The following EVA1C variants were observed in gnomAD, a reference collection of about 807,000 sequenced individuals.
EVA1C encodes eva-1 homolog C.
Under a neutral mutation model 45.4 loss-of-function variants are expected in EVA1C, and 25 were observed. The ratio of observed to expected loss-of-function variants is 0.55; its 90% CI spans 0.40 to 0.77. The LOEUF (loss-of-function observed/expected upper bound fraction) is 0.77, where lower values mean the gene tolerates loss of function less well. Ranked by LOEUF, EVA1C falls within the 30% of genes least tolerant of loss-of-function variation. EVA1C has a pLI of 0.00. For missense variants in EVA1C, 479 were observed against 554.8 expected, an observed-to-expected ratio of 0.86 and a Z score of 1.37; for synonymous variants, 190 against 221.2, an observed-to-expected ratio of 0.86 and a Z score of 1.25.
At chr21:32,429,712 G>A (rs2034625387) in intron 1 of EVA1C, among the ~76,000 whole-genome samples, 1 of 152,118 alleles carries the variant, frequency 6.6e-6, no homozygotes, top group African/African-American at 2.4e-5. Flanking sequence ...ACAATGTGCA[G>A]ACTTTAGAAC....
In EVA1C at chr21:32,452,497, C is replaced by T. The variant is rs1302306299; in HGVS notation, c.161-815C>T. 6.6e-6 allele frequency: 1 copy of T among 152,250 alleles called. No homozygotes were observed. Among genetic ancestry groups the T allele is most frequent in the East Asian group, 1.9e-4 (1 of 5,190 alleles). 9.4% of individuals were successfully genotyped at this position (152,250 alleles called of 1,614,324 possible). On this transcript the variant is annotated intron_variant, in intron 1 of 7. Coordinates refer to ENST00000300255, the MANE Select transcript of EVA1C (RefSeq NM_058187.5). This position sits in a 1 kb window ranked among gnomAD's most constrained non-coding sequence, Gnocchi z 4.0. ...TTGGGTGTTTACAGCTCCCGAAGCC[C>T]CAGTGGGCATGTGTTACAGTGGTCT...
At chr21:32,466,772 C>A (rs2036189747) in intron 3 of EVA1C, among the ~76,000 whole-genome samples, 1 of 150,984 alleles carries the variant, frequency 6.6e-6, no homozygotes. Flanking sequence ...TTGTTTTTGC[C>A]CCTTTCCTAG....
In EVA1C at chr21:32,495,044, G is replaced by C; in HGVS notation, c.652G>C (p.Ala218Pro). Residue 218 changes from alanine (A) to proline (P), a missense_variant, in exon 5 of 8, where the codon GCT becomes CCT. Around this residue, in one of 3 missense-constraint regions of EVA1C, gnomAD observed 366 missense variants for 426.1 expected, o/e 0.86. Transcript: ENST00000300255. The stretch of plus-strand genomic sequence containing the variant: ...CCTTTCAGATTGCTTGTCTTACTCA[G>C]CTTTGCAAGTCCTATCCCGAAGGTG... Reference protein sequence around the residue: ...LPPFDCLSYSALQVLSRRCYG... With the variant: ...LPPFDCLSYSPLQVLSRRCYG... 6.2e-7 allele frequency: 1 copy of C among 1,614,094 alleles called. No individual in the cohort carries two copies. The highest frequency in any genetic ancestry group is 8.5e-7 in the Non-Finnish European group (1 of 1,180,010).
At chr21:32,497,845 AT>A (rs2037402894) in intron 5 of EVA1C, among the ~76,000 whole-genome samples, 1 of 152,156 alleles carries the variant, frequency 6.6e-6, no homozygotes, top group South Asian at 2.1e-4. Flanking sequence ...AGAAATTCTC[AT>A]TTTTTAAACC....
At chr21:32,487,451 T>A (rs1162429492) in intron 4 of EVA1C, among the ~76,000 whole-genome samples, 1 of 152,050 alleles carries the variant, frequency 6.6e-6, no homozygotes, top group Non-Finnish European at 1.5e-5. Flanking sequence ...TTTAGGCCAG[T>A]GGCAGCGACT....
intron 4 of EVA1C, among the ~76,000 whole-genome samples, chr21:32,471,652 G>A (rs2036380961): frequency 7.1e-6 from 1 of 140,592 alleles, no homozygotes; most frequent in South Asian, 2.3e-4. Flanking sequence ...TTTTTTAGAC[G>A]GAGTCTTGCT....
intron 3 of EVA1C, among the ~76,000 whole-genome samples, chr21:32,465,350 C>T (rs1459248077): frequency 6.6e-6 from 1 of 152,134 alleles, no homozygotes; most frequent in African/African-American, 2.4e-5. Context: ...TCTCTCTGGA[C>T]AGTCTTCCCA....
rs2034681559 is a variant in EVA1C, at chr21:32,431,019, C to T, written c.160+18006C>T. Among the ~76,000 whole-genome samples the T allele has an allele frequency of 2.7e-5, 4 of 145,902 alleles. No homozygotes were observed. In the Admixed American group the frequency reaches 2.8e-4, roughly 10 times the overall value. ...TGAGACTTATTCAACGTCATGAGAA[C>T]AGCAGGGGAAAGACCCACCCCATGA... On this transcript the variant is annotated intron_variant, in intron 1 of 7. Coordinates refer to ENST00000300255, the MANE Select transcript of EVA1C (RefSeq NM_058187.5).
At chr21:32,484,478 A>G (rs1465846881) in intron 4 of EVA1C, among the ~76,000 whole-genome samples, 1 of 151,110 alleles carries the variant, frequency 6.6e-6, no homozygotes, top group Non-Finnish European at 1.5e-5. Context: ...CAGGAGGCGG[A>G]GGTTGCAGTG....
chr21:32,509,155 G>A (rs950589469), intron 7 of EVA1C, among the ~76,000 whole-genome samples: 1 of 152,228 alleles, frequency 6.6e-6, no homozygotes, highest in Non-Finnish European at 1.5e-5. Flanking sequence ...CTTTGCACAA[G>A]TGACTTGGCT....
chr21:32,497,416 A>G (rs1363177381), intron 5 of EVA1C: 7 of 316,582 alleles, frequency 2.2e-5, no homozygotes, highest in Non-Finnish European at 1.2e-5. Flanking sequence ...TTCAGAAGAC[A>G]AGGTATGAAG....
chr21:32,482,749 G>A (rs907502736), intron 4 of EVA1C, among the ~76,000 whole-genome samples: 2 of 151,984 alleles, frequency 1.3e-5, no homozygotes, highest in Non-Finnish European at 2.9e-5. Flanking sequence ...GAAGGGTCCT[G>A]CTCCATTCAG....
intron 1 of EVA1C, among the ~76,000 whole-genome samples, chr21:32,418,594 G>A (rs1046991605): frequency 6.6e-6 from 1 of 152,196 alleles, no homozygotes; most frequent in Non-Finnish European, 1.5e-5. Flanking sequence ...ATTTGCAGAT[G>A]AGAACTCAGC....
rs2036478692 is a variant in EVA1C at position 32,474,212 on chromosome 21, C to T, written c.634+6364C>T. Among the ~76,000 whole-genome samples the T allele has an allele frequency of 1.3e-5, 2 of 152,200 alleles. No individual in the cohort carries two copies. Among genetic ancestry groups the T allele is most frequent in the South Asian group, 2.1e-4 (1 of 4,828 alleles). On this transcript the variant is annotated intron_variant, in intron 4 of 7. Transcript: ENST00000300255. This position sits in a 1 kb window ranked among gnomAD's most constrained non-coding sequence, Gnocchi z 4.4. ...TGCAGGCGTGAGCCACTGAGCCCGA[C>T]CAGGATTTTATTTAAATTAAACCAG...
At chr21:32,457,548 C>A in intron 2 of EVA1C, 49 bp from the exon 3 acceptor site, 1 of 1,612,320 alleles carries the variant, frequency 6.2e-7, no homozygotes, top group South Asian at 1.1e-5. Flanking sequence ...GTCTGGCAGT[C>A]ACTGTGAGCA....
intron 3 of EVA1C, among the ~76,000 whole-genome samples, chr21:32,463,337 C>T (rs1365548152): frequency 7.2e-5 from 11 of 152,204 alleles, no homozygotes; most frequent in Admixed American, 7.2e-4. Context: ...CTGCCCACAC[C>T]TTCTCTAATC....
At chr21:32,447,526 G>A (rs1601287063) in intron 1 of EVA1C, among the ~76,000 whole-genome samples, 1 of 122,608 alleles carries the variant, frequency 8.2e-6, no homozygotes, top group Non-Finnish European at 1.7e-5. Flanking sequence ...TTACAGCTAT[G>A]TTTCTCTTTT....
intron 4 of EVA1C, among the ~76,000 whole-genome samples, chr21:32,482,004 T>A (rs758171528): frequency 3.3e-5 from 5 of 152,214 alleles, no homozygotes; most frequent in Non-Finnish European, 5.9e-5. Flanking sequence ...ATTTCCTACC[T>A]GACGTTAGGT....
chr21:32,427,731 G>T (rs1437848758), intron 1 of EVA1C, among the ~76,000 whole-genome samples: 3 of 151,722 alleles, frequency 2.0e-5, no homozygotes, highest in Admixed American at 1.3e-4. Flanking sequence ...AAAAAAATAG[G>T]CAGAGGCCAG....
Sources: gnomAD v4.1 joint callset for allele counts (sites outside exome capture counted in the v4.1 genomes callset) on GRCh38, gnomAD v4.1.1 for gene constraint, gnomAD v4.1.1 regional missense constraint, Gnocchi (gnomAD v3.1) non-coding constraint, MANE v1.5 for transcripts, NCBI Gene and HGNC (gene_info 2026-07-23, HGNC 2026-07-21) for gene names.